Variants in FCHO2 observed in about 807,000 individuals in gnomAD.
The protein encoded by FCHO2 is FCH and mu domain containing endocytic adaptor 2.
FCHO2 carries 43 observed loss-of-function variants against 114.1 expected under a neutral mutation model. The ratio of observed to expected loss-of-function variants is 0.38; its 90% confidence interval spans 0.30 to 0.49. The LOEUF (loss-of-function observed/expected upper bound fraction) is 0.49, where lower values mean the gene tolerates loss of function less well. Ranked by LOEUF, FCHO2 falls within the 20% of genes least tolerant of loss-of-function variation. The pLI, the probability that FCHO2 is intolerant of heterozygous loss-of-function variation, is 0.97. For missense variants in FCHO2, 807 were observed against 950.4 expected (o/e 0.85, Z 1.98); for synonymous variants, 293 against 315.2 (o/e 0.93, Z 0.75).
intron 6 of FCHO2, among the ~76,000 whole-genome samples, chr5:73,010,901 A>AG (rs1754973188): frequency 4.0e-5 from 6 of 150,600 alleles, no homozygotes; most frequent in African/African-American, 9.8e-5. Flanking sequence ...AAAAAAAAAA[A>AG]AGAGAGAATG....
intron 16 of FCHO2, 141 bp downstream of exon 16, chr5:73,056,248 T>A (rs1287212951): frequency 3.2e-6 from 2 of 622,676 alleles, no homozygotes; most frequent in East Asian, 3.0e-5. Flanking sequence ...TCTCTCACAG[T>A]CAAATTCTCT....
At chr5:73,069,747 C>T (rs1742545171) in intron 19 of FCHO2, among the ~76,000 whole-genome samples, 1 of 152,038 alleles carries the variant, frequency 6.6e-6, no homozygotes, top group African/African-American at 2.4e-5. Context: ...TGAACCTAAA[C>T]CTCACCAAAC....
chr5:73,060,874 T>A (rs1326839303), intron 17 of FCHO2, among the ~76,000 whole-genome samples: 1 of 152,022 alleles, frequency 6.6e-6, no homozygotes, highest in African/African-American at 2.4e-5. Flanking sequence ...TTATGTCAGA[T>A]ATGAATATAT....
Position 73,051,558 on chromosome 5 carries a change from G to T in FCHO2, c.997+152G>T, listed in dbSNP as rs535001076. 1.6e-5 allele frequency: 9 copies of T among 574,536 alleles called. No homozygotes were observed. The Admixed American group carries it at 1.6e-4, about 10-fold the overall frequency. 35.6% of individuals were successfully genotyped at this position (574,536 alleles called of 1,614,324 possible). ...ATTTGACATGTTTTTTGTTGTTGTTGTTTTTTGTTTTTTTTGGGTTTTTTT... is the reference window on the plus strand; with the variant it reads ...ATTTGACATGTTTTTTGTTGTTGTTTTTTTTTGTTTTTTTTGGGTTTTTTT... On this transcript the variant is annotated intron_variant, in intron 12 of 25. Coordinates refer to ENST00000430046, the MANE Select transcript of FCHO2 (RefSeq NM_138782.3).
intron 10 of FCHO2, among the ~76,000 whole-genome samples, chr5:73,040,962 G>A (rs141643203): frequency 1.3e-5 from 2 of 152,164 alleles, no homozygotes; most frequent in East Asian, 3.9e-4. Context: ...CTTTCTTGAT[G>A]TGTGAGTATA....
intron 5 of FCHO2, among the ~76,000 whole-genome samples, chr5:73,004,552 G>C (rs1479029738): frequency 6.6e-6 from 1 of 151,942 alleles, no homozygotes. Context: ...AATAAAAGCA[G>C]GCACTATTTA....
At chr5:73,048,016 G>A (rs1484429412) in intron 11 of FCHO2, among the ~76,000 whole-genome samples, 1 of 151,974 alleles carries the variant, frequency 6.6e-6, no homozygotes, top group Non-Finnish European at 1.5e-5. Flanking sequence ...TTAATTTTTT[G>A]TAGAGATGAG....
intron 18 of FCHO2, among the ~76,000 whole-genome samples, chr5:73,067,720 A>C (rs888658532): frequency 2.6e-5 from 4 of 151,958 alleles, no homozygotes; most frequent in Non-Finnish European, 4.4e-5. Context: ...CATAGTAGAC[A>C]CTAAATAAAT....
At chr5:72,996,936 G>A in intron 5 of FCHO2, 3 of 1,603,638 alleles carry the variant, frequency 1.9e-6, no homozygotes, top group Non-Finnish European at 2.5e-6. Flanking sequence ...CGGACGCAGT[G>A]TCTGCTGGGG....
At chr5:73,077,617 C>T (rs1452848916) in intron 21 of FCHO2, 124 bp downstream of exon 21, 9 of 1,062,294 alleles carry the variant, frequency 8.5e-6, no homozygotes, top group Non-Finnish European at 1.2e-5. Context: ...ATTGCTTGAG[C>T]CCAGTTGTTC....
intron 19 of FCHO2, 132 bp downstream of exon 19, chr5:73,068,911 G>A: frequency 9.8e-7 from 1 of 1,020,252 alleles, no homozygotes; most frequent in Non-Finnish European, 1.3e-6. Flanking sequence ...AACACACCTG[G>A]AATTTATTAA....
At chr5:73,013,734 C>T (rs1481476933) in intron 6 of FCHO2, among the ~76,000 whole-genome samples, 1 of 152,166 alleles carries the variant, frequency 6.6e-6, no homozygotes, top group Non-Finnish European at 1.5e-5. Flanking sequence ...GAGGCGCGAT[C>T]TTGGCTCACT....
At chr5:72,987,097 C>A (rs1356658591) in intron 2 of FCHO2, among the ~76,000 whole-genome samples, 1 of 151,464 alleles carries the variant, frequency 6.6e-6, no homozygotes, top group Non-Finnish European at 1.5e-5. Context: ...AGGATGGTCT[C>A]GATCTCCTGA....
In FCHO2 at chr5:73,081,826, C is replaced by A; in HGVS notation, c.2024C>A (p.Thr675Lys). ...CAGTCCACTCCTCTGAATCTTGCAA[C>A]ATACTGGAAATGTAGTGCTAGCACC... ...GIQSTPLNLA[T>K]YWKCSASTTD... Residue 675 changes from threonine to lysine, a missense_variant, in exon 23 of 26, where the codon ACA (threonine) becomes AAA (lysine). Coordinates refer to ENST00000430046, the MANE Select transcript of FCHO2 (RefSeq NM_138782.3). 1 of 1,603,350 alleles carries A rather than the reference C, an allele frequency of 6.2e-7. No individual in the cohort carries two copies. Among genetic ancestry groups the A allele is most frequent in the Non-Finnish European group, 8.5e-7 (1 of 1,174,370 alleles).
At chr5:73,023,427 C>T (rs1755738150) in intron 8 of FCHO2, among the ~76,000 whole-genome samples, 1 of 152,096 alleles carries the variant, frequency 6.6e-6, no homozygotes, top group Non-Finnish European at 1.5e-5. Flanking sequence ...CAAGGCTGGG[C>T]ATAGTGGCTC....
chr5:72,966,967 G>A (rs1018410231), intron 1 of FCHO2, among the ~76,000 whole-genome samples: 1 of 152,174 alleles, frequency 6.6e-6, no homozygotes, highest in African/African-American at 2.4e-5. Flanking sequence ...TTCCAGGATT[G>A]TGTAGTGATC....
chr5:73,053,650 T>G (rs62362198), intron 13 of FCHO2, among the ~76,000 whole-genome samples: 1 of 150,474 alleles, frequency 6.6e-6, no homozygotes, highest in Non-Finnish European at 1.5e-5. Context: ...GAGCCGAGAT[T>G]GCACCACTGC....
At position 73,078,194 on chromosome 5, in the gene FCHO2, G is replaced by A. The variant is rs1291824002; in HGVS notation, c.1862G>A (p.Cys621Tyr). The A allele has an allele frequency of 1.3e-6, 2 of 1,559,678 alleles. No individual in the cohort carries two copies. The highest frequency in any genetic ancestry group is 1.2e-5 in the South Asian group (1 of 82,408). The change falls in exon 22 of 26, where the codon TGT (cysteine) becomes TAT (tyrosine). Residue 621 changes from cysteine to tyrosine, a missense_variant. Coordinates refer to ENST00000430046, the MANE Select transcript of FCHO2 (RefSeq NM_138782.3). ...TATATATGTAGTGATCCATCACAATGTGATTCCAACACAAAAGATTTTTGG... is the reference window on the plus strand; with the variant it reads ...TATATATGTAGTGATCCATCACAATATGATTCCAACACAAAAGATTTTTGG... ...AQLVFSDPSQ[C>Y]DSNTKDFWMN... is the part of the protein sequence containing the mutation.
At chr5:73,078,548 C>T (rs1168453387) in intron 22 of FCHO2, among the ~76,000 whole-genome samples, 1 of 152,052 alleles carries the variant, frequency 6.6e-6, no homozygotes, top group Non-Finnish European at 1.5e-5. Flanking sequence ...TGTCCTTAAG[C>T]TGAAAAGACT....
Sources: allele counts gnomAD v4.1 joint callset (sites outside exome capture counted in the v4.1 genomes callset), GRCh38; gene constraint gnomAD v4.1.1; transcripts MANE v1.5; gene names NCBI Gene and HGNC (gene_info 2026-07-23, HGNC 2026-07-21).